The following DIAPH3 variants were observed in gnomAD, a reference collection of about 807,000 sequenced individuals.
DIAPH3 encodes the protein protein diaphanous homolog 3.
Under a neutral mutation model 144.3 loss-of-function variants are expected in DIAPH3, and 117 were observed. The ratio of observed to expected loss-of-function variants is 0.81; its 90% confidence interval spans 0.70 to 0.95. The LOEUF (loss-of-function observed/expected upper bound fraction) is 0.95. DIAPH3 is among the 40% of genes least tolerant of loss of function. The probability of loss-of-function intolerance (pLI) is 0.00; values close to 1 mark genes in which losing one functional copy is unlikely to be tolerated. For synonymous variants in DIAPH3, 519 were observed against 488.9 expected (o/e 1.06, Z -0.81); for missense variants, 1,421 against 1,412.7 (o/e 1.01, Z -0.09).
chr13:59,876,090 G>A (rs1344322817), intron 21 of DIAPH3, among the ~76,000 whole-genome samples: 2 of 152,132 alleles, frequency 1.3e-5, no homozygotes, highest in Non-Finnish European at 2.9e-5. Flanking sequence ...TACCCAGCAT[G>A]TTTTAACAGA....
intron 5 of DIAPH3, among the ~76,000 whole-genome samples, chr13:60,038,994 T>G (rs987408678): frequency 1.3e-5 from 2 of 152,136 alleles, no homozygotes; most frequent in Admixed American, 1.3e-4. Flanking sequence ...ATTTGATAAT[T>G]TGAAGAAATT....
At chr13:59,912,089 A>G (rs1401167027) in intron 19 of DIAPH3, among the ~76,000 whole-genome samples, 2 of 152,144 alleles carry the variant, frequency 1.3e-5, no homozygotes, top group African/African-American at 2.4e-5. Context: ...TTGATTAGCT[A>G]TATAATTGAG....
rs74463439 is a variant in DIAPH3, at chr13:59,785,756, C to G, written c.3164-10933G>C. ...TCTCTGTGGCTCCCCTGCAGCTAAG[C>G]TAGAAGTGGCCGTGTGATGCATTTC... On this transcript the variant is annotated intron_variant, in intron 25 of 27. Coordinates refer to ENST00000400324, the MANE Select transcript of DIAPH3 (RefSeq NM_001042517.2). Among the ~76,000 whole-genome samples the G allele has an allele frequency of 2.7e-3, 417 of 152,216 alleles. 3 individuals carry two copies. The highest frequency in any genetic ancestry group is 9.6e-3 in the African/African-American group (397 of 41,538).
chr13:59,842,847 A>G (rs904485327), intron 22 of DIAPH3, among the ~76,000 whole-genome samples: 1 of 152,128 alleles, frequency 6.6e-6, no homozygotes, highest in African/African-American at 2.4e-5. Flanking sequence ...GGGGTGGTGC[A>G]CAGTTTCACT....
At chr13:60,049,545 A>G (rs569726351) in intron 4 of DIAPH3, among the ~76,000 whole-genome samples, 1 of 152,334 alleles carries the variant, frequency 6.6e-6, no homozygotes, top group East Asian at 1.9e-4. Flanking sequence ...CATTGGTTAG[A>G]CCTGGGCTGA....
At position 59,992,096 on chromosome 13, in the gene DIAPH3, G is replaced by A. The variant is rs746371932; in HGVS notation, c.1216C>T (p.Arg406Cys). The change falls in exon 11 of 28, where the codon CGC (arginine) becomes TGC (cysteine). Residue 406 changes from arginine to cysteine, a missense_variant. Physicochemically the swap from Arg to Cys is radical, Grantham distance 180. Transcript: ENST00000400324. ...KEEDLFELSHRLEDIRAELDE... is the reference protein window; with the variant it reads ...KEEDLFELSHCLEDIRAELDE... ...AGTTCAGCTCTAATATCTTCAAGGC[G>A]ATGGGATAACTCAAACAAATCTTCT... 1.8e-5 allele frequency: 29 copies of A among 1,611,644 alleles called. No individual in the cohort carries two copies. In the African/African-American group the frequency reaches 3.3e-4, roughly 19 times the overall value.
intron 5 of DIAPH3, among the ~76,000 whole-genome samples, chr13:60,031,152 C>T (rs1432828743): frequency 6.6e-6 from 1 of 152,116 alleles, no homozygotes; most frequent in African/African-American, 2.4e-5. Context: ...CCTTAAGAAG[C>T]TTCTAATCAT....
Position 60,002,474 on chromosome 13 carries a change from C to T in DIAPH3, c.1014+6070G>A, listed in dbSNP as rs191548291. 4.0e-4 allele frequency among the ~76,000 whole-genome samples: 61 copies of T among 152,312 alleles called. 1 individual carries two copies. The highest frequency in any genetic ancestry group is 9.8e-4 in the Admixed American group (15 of 15,306). On this transcript the variant is annotated intron_variant, in intron 9 of 27. Transcript: ENST00000400324. ...GTCACAATATGGGCTTTGGGACTGACACAAAGCTGATACTCAGCCTACTGC... is the reference window on the plus strand; with the variant it reads ...GTCACAATATGGGCTTTGGGACTGATACAAAGCTGATACTCAGCCTACTGC...
intron 27 of DIAPH3, among the ~76,000 whole-genome samples, chr13:59,718,492 T>C (rs916620611): frequency 6.6e-6 from 1 of 152,166 alleles, no homozygotes; most frequent in Non-Finnish European, 1.5e-5. Context: ...ACACACTCCC[T>C]GATCCTACTC....
chr13:59,670,455 A>C (rs1274489375), intron 27 of DIAPH3, among the ~76,000 whole-genome samples: 1 of 152,146 alleles, frequency 6.6e-6, no homozygotes, highest in Non-Finnish European at 1.5e-5. Context: ...GGGAGACCAA[A>C]ACTGTAGAAA....
intron 27 of DIAPH3, among the ~76,000 whole-genome samples, chr13:59,671,343 G>T (rs2032364404): frequency 6.6e-6 from 1 of 152,024 alleles, no homozygotes. Flanking sequence ...GTAAGGCTGG[G>T]GTATCAATAA....
chr13:60,156,918 C>CATATATATATATATATATATATATATAT (rs1233542016), intron 1 of DIAPH3, among the ~76,000 whole-genome samples: 4 of 55,666 alleles, frequency 7.2e-5, no homozygotes, highest in East Asian at 3.0e-4. Flanking sequence ...CCAGATCCTT[C>CATATATATATATATATATATATATATAT]ATATATATAT....
chr13:59,794,342 C>T (rs2039476517), intron 25 of DIAPH3, among the ~76,000 whole-genome samples: 1 of 152,154 alleles, frequency 6.6e-6, no homozygotes, highest in African/African-American at 2.4e-5. Flanking sequence ...CAGTGAATGG[C>T]ACCACCTACT....
Position 60,163,758 on chromosome 13 carries a change from C to T in DIAPH3, c.9G>A (p.Arg3=), listed in dbSNP as rs1367630317. The T allele has an allele frequency of 1.9e-6, 3 of 1,587,878 alleles. No individual in the cohort carries two copies. The highest frequency in any genetic ancestry group is 2.3e-5 in the South Asian group (2 of 88,770). ME[R]HQPRLHHPAQ... The stretch of plus-strand genomic sequence containing the variant: ...CCGGGTGGTGCAGCCGCGGCTGGTG[C>T]CGTTCCATCTTTCCCCGCAGCTCCG... The change falls in exon 1 of 28, where the codon CGG becomes CGA. Residue 3 remains arginine (R), a synonymous_variant. Coordinates refer to ENST00000400324, the MANE Select transcript of DIAPH3 (RefSeq NM_001042517.2).
Position 59,824,467 on chromosome 13 carries a change from C to T in DIAPH3, c.3027+8640G>A, listed in dbSNP as rs534879294. On this transcript the variant is annotated intron_variant, in intron 24 of 27. Coordinates refer to ENST00000400324, the MANE Select transcript of DIAPH3 (RefSeq NM_001042517.2). ...AACTACTGCTGTCTTCCCACTAGAA[C>T]GGCAAACAGCAAAACATCACTATTA... Among the ~76,000 whole-genome samples the T allele has an allele frequency of 7.8e-4, 118 of 152,240 alleles. 2 individuals are homozygous for T. The South Asian group carries it at 0.022, about 29-fold the overall frequency.
At chr13:59,964,187 T>G (rs1051494718) in intron 17 of DIAPH3, among the ~76,000 whole-genome samples, 9 of 152,080 alleles carry the variant, frequency 5.9e-5, no homozygotes, top group Admixed American at 5.9e-4. Context: ...GACACACCAC[T>G]AAGAACTTAC....
At chr13:60,080,768 C>A (rs915992615) in intron 4 of DIAPH3, among the ~76,000 whole-genome samples, 1 of 151,800 alleles carries the variant, frequency 6.6e-6, no homozygotes, top group African/African-American at 2.4e-5. Context: ...AGGAAATAAT[C>A]ATTCAGTGTC....
chr13:59,889,324 A>G (rs1443594552), intron 20 of DIAPH3, among the ~76,000 whole-genome samples: 1 of 152,084 alleles, frequency 6.6e-6, no homozygotes, highest in Non-Finnish European at 1.5e-5. Context: ...CATAACTAAG[A>G]GAAAATAATC....
At chr13:59,949,942 G>A (rs2049014795) in intron 17 of DIAPH3, among the ~76,000 whole-genome samples, 1 of 152,094 alleles carries the variant, frequency 6.6e-6, no homozygotes, top group Non-Finnish European at 1.5e-5. Context: ...TATAGCTAAT[G>A]TACTCCCATG....
Sources: gnomAD v4.1 joint callset for allele counts (sites outside exome capture counted in the v4.1 genomes callset) on GRCh38, gnomAD v4.1.1 for gene constraint, MANE v1.5 for transcripts, NCBI Gene and HGNC (gene_info 2026-07-23, HGNC 2026-07-21) for gene names.